The following SIRT2 variants were observed in gnomAD, a reference collection of about 807,000 sequenced individuals.
SIRT2 encodes NAD-dependent protein deacetylase sirtuin-2.
In SIRT2, 40 loss-of-function variants were observed where a neutral mutation model predicts 57.4. The observed-to-expected ratio is 0.70, with a 90% CI of 0.54 to 0.91. SIRT2 has a LOEUF of 0.91. Ranked by LOEUF, SIRT2 falls within the 40% of genes least tolerant of loss-of-function variation. SIRT2 has a pLI of 0.00. For missense variants in SIRT2, 439 were observed against 510.4 expected, an observed-to-expected ratio of 0.86 and a Z score of 1.35; for synonymous variants, 161 against 195.7, an observed-to-expected ratio of 0.82 and a Z score of 1.48.
At position 38,879,232 on chromosome 19, in the gene SIRT2, T is replaced by G. The variant is rs1973041705; in HGVS notation, c.1093A>C (p.Thr365Pro). The G allele has an allele frequency of 6.2e-7, 1 of 1,601,926 alleles. No homozygotes were observed. The highest frequency in any genetic ancestry group is 1.4e-5 in the African/African-American group (1 of 74,028). Reference protein sequence around the residue: ...QSGAGVPNPSTSASPKKSPPP... With the variant: ...QSGAGVPNPSPSASPKKSPPP... ...GGGGACTTCTTGGGGGAAGCTGAAG[T>G]GCTGGGGTTGGGGACCCCCGCCCCC... is the stretch of plus-strand genomic sequence containing the variant. The change falls in exon 16 of 16, where the codon ACT (threonine) becomes CCT (proline). Residue 365 changes from threonine (T) to proline (P), a missense_variant. Physicochemically the swap from Thr to Pro is conservative, Grantham distance 38 (BLOSUM62 -1). Transcript: ENST00000249396.
chr19:38,895,221 C>T (rs1008838237), intron 2 of SIRT2, among the ~76,000 whole-genome samples: 1 of 152,140 alleles, frequency 6.6e-6, no homozygotes, highest in African/African-American at 2.4e-5. Context: ...CCTCCTCCCC[C>T]AGCCTCCCAG....
At position 38,889,092 on chromosome 19, in the gene SIRT2, T is replaced by G. The variant is rs1973435027; in HGVS notation, c.496A>C (p.Thr166Pro). Reference protein sequence around the residue: ...KDKGLLLRCYTQNIDTLERIA... With the variant: ...KDKGLLLRCYPQNIDTLERIA... ...GGATGCTCGCATCCGCCTACCTGCGTGTAGCAGCGCAGGAGTAGCCCCTTG... is the reference window on the plus strand; with the variant it reads ...GGATGCTCGCATCCGCCTACCTGCGGGTAGCAGCGCAGGAGTAGCCCCTTG... The change falls in exon 8 of 16, where the codon ACG (threonine) becomes CCG (proline). Residue 166 changes from threonine to proline, a missense_variant. Transcript: ENST00000249396. 2 of 1,611,678 alleles carry G rather than the reference T, an allele frequency of 1.2e-6. No individual in the cohort carries two copies. Among genetic ancestry groups the G allele is most frequent in the African/African-American group, 2.7e-5 (2 of 74,944 alleles).
chr19:38,880,834 AG>A lies in SIRT2; in HGVS notation c.810del (p.Ser271ProfsTer29), dbSNP rs1433014072. The stretch of plus-strand genomic sequence containing the variant: ...CCCCCAACCTACTTGCTGATGAGGG[AG>A]GCAAAGGGCTGCACCTGCAAGGAGG... ...MGTSLQVQPF[A>X]SLISKAPLST... On this transcript the variant is annotated frameshift_variant, in exon 12 of 16. Transcript: ENST00000249396. LOFTEE classifies it high-confidence loss of function. This position sits in a 1 kb window ranked among gnomAD's most constrained non-coding sequence, Gnocchi z 4.1. 1 of 1,613,860 alleles carries A rather than the reference AG, an allele frequency of 6.2e-7. No homozygotes were observed. The highest frequency in any genetic ancestry group is 8.5e-7 in the Non-Finnish European group (1 of 1,179,934).
intron 7 of SIRT2, 96 bp from the exon 8 acceptor site, chr19:38,889,251 TA>T (rs1973442405): frequency 8.5e-7 from 1 of 1,182,744 alleles, no homozygotes; most frequent in South Asian, 1.2e-5. Flanking sequence ...GTGACTGTTT[TA>T]CCCCCAGGGA....
chr19:38,885,589 G>T lies in SIRT2; in HGVS notation c.502-1833C>A, dbSNP rs1302031816. Among the ~76,000 whole-genome samples the T allele has an allele frequency of 8.6e-5, 11 of 128,156 alleles. 1 individual carries two copies. The Admixed American group carries it at 1.0e-3, about 12-fold the overall frequency. The allele number at this position is 128,156 out of a possible 152,430, so 84.1% of individuals were successfully genotyped here. On this transcript the variant is annotated intron_variant, in intron 8 of 15. Coordinates refer to ENST00000249396, the MANE Select transcript of SIRT2 (RefSeq NM_012237.4). ...TTACAGGCACCCGCCACCATGCGTG[G>T]CTATTTTTTTTTTTTTTTTTGAGAC...
rs200279657 is a variant in SIRT2, at chr19:38,889,737, C to T, written c.384G>A (p.Pro128=). The T allele has an allele frequency of 8.7e-6, 14 of 1,614,000 alleles. No homozygotes were observed. The highest frequency in any genetic ancestry group is 8.0e-5 in the African/African-American group (6 of 74,882). The change falls in exon 7 of 16, where the codon CCG becomes CCA. Residue 128 remains proline (P), a synonymous_variant. Coordinates refer to ENST00000249396, the MANE Select transcript of SIRT2 (RefSeq NM_012237.4). ...IFEISYFKKH[P]EPFFALAKEL... is the part of the protein sequence containing the mutation. ...CCTTGGCGAGGGCGAAGAAGGGTTCCGGATGTTTCTGTAGGAGAGACAGCC... is the reference window on the plus strand; with the variant it reads ...CCTTGGCGAGGGCGAAGAAGGGTTCTGGATGTTTCTGTAGGAGAGACAGCC...
At chr19:38,898,280 G>A in intron 2 of SIRT2, 99 bp downstream of exon 2, 1 of 819,932 alleles carries the variant, frequency 1.2e-6, no homozygotes, top group Non-Finnish European at 1.7e-6. Context: ...ATGAGCCGAG[G>A]GCCCTGGGGT....
intron 9 of SIRT2, among the ~76,000 whole-genome samples, chr19:38,882,405 C>T (rs975059101): frequency 6.6e-5 from 10 of 152,126 alleles, no homozygotes; most frequent in Non-Finnish European, 1.3e-4. Context: ...GAGGCTGAGG[C>T]GAGTGGATCG....
In SIRT2 at chr19:38,881,499, T is replaced by C. The variant is rs1600106849; in HGVS notation, c.632-8A>G. On this transcript the variant is annotated splice_polypyrimidine_tract_variant and splice_region_variant and intron_variant, in intron 9 of 15. Transcript: ENST00000249396. ...CCTCAGAGAAGATCTTCTCTGGGTATGGGGAAGGGGAAGAAAGAGAAGGCA... is the reference window on the plus strand; with the variant it reads ...CCTCAGAGAAGATCTTCTCTGGGTACGGGGAAGGGGAAGAAAGAGAAGGCA... The C allele has an allele frequency of 3.7e-6, 6 of 1,612,482 alleles. No homozygotes were observed. In the East Asian group the frequency reaches 8.9e-5, roughly 24 times the overall value.
At chr19:38,883,601 G>C (rs201438304) in intron 9 of SIRT2, 26 bp downstream of exon 9, 1 of 1,608,656 alleles carries the variant, frequency 6.2e-7, no homozygotes, top group Non-Finnish European at 8.5e-7. Context: ...GAGGAGGCCT[G>C]CCCTCAGGAT....
At chr19:38,890,066 T>C (rs1455678890) in intron 5 of SIRT2, 37 bp downstream of exon 5, 1 of 1,613,040 alleles carries the variant, frequency 6.2e-7, no homozygotes, top group Admixed American at 1.7e-5. Flanking sequence ...ACTCCCCAGT[T>C]CCTGGGGGTA....
At chr19:38,883,076 T>G (rs1410955682) in intron 9 of SIRT2, among the ~76,000 whole-genome samples, 4 of 116,542 alleles carry the variant, frequency 3.4e-5, no homozygotes, top group Non-Finnish European at 4.8e-5. Flanking sequence ...TGACTTCTTG[T>G]TTTTTTTTTT....
chr19:38,883,519 CA>C (rs1257875375), intron 9 of SIRT2, 107 bp downstream of exon 9: 13 of 1,436,752 alleles, frequency 9.0e-6, no homozygotes, highest in Non-Finnish European at 6.6e-6. Flanking sequence ...ACAAACAAAA[CA>C]AAAAAACCCC....
At chr19:38,881,270 G>A in intron 10 of SIRT2, 115 bp from the exon 11 acceptor site, 1 of 1,200,748 alleles carries the variant, frequency 8.3e-7, no homozygotes, top group Non-Finnish European at 1.2e-6. Flanking sequence ...GTGGGGACCG[G>A]CCAGGGGCAC....
At chr19:38,891,912 G>C (rs1023505738) in intron 4 of SIRT2, 1 of 469,944 alleles carries the variant, frequency 2.1e-6, no homozygotes, top group Non-Finnish European at 4.4e-6. Flanking sequence ...CCTGCCGCAG[G>C]AGAGGGAGGC....
chr19:38,889,277 C>T (rs781062170), intron 7 of SIRT2, 122 bp from the exon 8 acceptor site: 16 of 869,424 alleles, frequency 1.8e-5, no homozygotes, highest in African/African-American at 5.0e-5. Flanking sequence ...TCACAGCAGC[C>T]GCGTCGGGGA....
intron 8 of SIRT2, among the ~76,000 whole-genome samples, chr19:38,884,327 G>C (rs1312648313): frequency 6.6e-6 from 1 of 152,176 alleles, no homozygotes; most frequent in Non-Finnish European, 1.5e-5. Context: ...GTTATTAATG[G>C]AGCCCCCTCA....
Position 38,878,870 on chromosome 19 carries a change from G to A in SIRT2, c.*285C>T, listed in dbSNP as rs200423710. 1 of 363,124 alleles carries A rather than the reference G, an allele frequency of 2.8e-6. No individual in the cohort carries two copies. The highest frequency in any genetic ancestry group is 4.8e-5 in the Admixed American group (1 of 20,692). 22.5% of individuals were successfully genotyped at this position (363,124 alleles called of 1,614,324 possible). ...AGTTCTGGGGTAGCCCTGGCCCCGT[G>A]GGGGCAGTTAGAGATGAGGGAGGTT... is the stretch of plus-strand genomic sequence containing the variant. On this transcript the variant is annotated 3_prime_UTR_variant, in exon 16 of 16. Coordinates refer to ENST00000249396, the MANE Select transcript of SIRT2 (RefSeq NM_012237.4).
chr19:38,896,196 T>G (rs2144704361), intron 2 of SIRT2, among the ~76,000 whole-genome samples: 1 of 152,254 alleles, frequency 6.6e-6, no homozygotes. Context: ...AACATATAAC[T>G]TGCGGCACTC....
Sources: allele counts gnomAD v4.1 joint callset (sites outside exome capture counted in the v4.1 genomes callset), GRCh38; gene constraint gnomAD v4.1.1; non-coding constraint Gnocchi (gnomAD v3.1); transcripts MANE v1.5; gene names NCBI Gene and HGNC (gene_info 2026-07-23, HGNC 2026-07-21).